The following CTBP2 variants were observed in gnomAD, a reference collection of about 807,000 sequenced individuals.
CTBP2 encodes the protein C-terminal binding protein 2.
In CTBP2, 30 loss-of-function variants were observed where a neutral mutation model predicts 80.3. That is an observed-to-expected ratio of 0.37 (90% CI 0.28 to 0.51). The LOEUF is 0.51. Ranked by LOEUF, CTBP2 falls within the 20% of genes least tolerant of loss-of-function variation. The probability of loss-of-function intolerance (pLI) is 0.93; values close to 1 mark genes in which losing one functional copy is unlikely to be tolerated. For missense variants in CTBP2, 1,212 were observed against 1,375.3 expected (o/e 0.88, Z 1.88); for synonymous variants, 594 against 587.4 (o/e 1.01, Z -0.16).
At chr10:125,072,965 C>T (rs3889706) in intron 2 of CTBP2, among the ~76,000 whole-genome samples, 11,727 of 152,256 alleles carry the variant, frequency 0.077, 602 homozygotes, top group Middle Eastern at 0.19. Context: ...TCATTACTAA[C>T]GGTTGGATGC....
At chr10:125,123,236 T>G (rs1014433645) in intron 1 of CTBP2, among the ~76,000 whole-genome samples, 1 of 152,192 alleles carries the variant, frequency 6.6e-6, no homozygotes, top group East Asian at 1.9e-4. Flanking sequence ...GGGGGATTCT[T>G]GGGCTGGTAC....
upstream of CTBP2, among the ~76,000 whole-genome samples, chr10:125,028,766 A>G (rs1201858479): frequency 2.6e-5 from 4 of 152,242 alleles, no homozygotes; most frequent in African/African-American, 4.8e-5. Context: ...GCTGCATCTG[A>G]ATATCTCATC....
At chr10:125,047,689 T>C (rs1440938036) in intron 2 of CTBP2, among the ~76,000 whole-genome samples, 2 of 152,254 alleles carry the variant, frequency 1.3e-5, no homozygotes, top group Admixed American at 6.5e-5. Context: ...CTGTCAATTG[T>C]AACCATATTA....
chr10:125,097,073 C>T (rs566581673), intron 2 of CTBP2, among the ~76,000 whole-genome samples: 1 of 152,338 alleles, frequency 6.6e-6, no homozygotes, highest in African/African-American at 2.4e-5. Flanking sequence ...CATAAGCTGG[C>T]ACACATTCTA....
At chr10:125,157,206 G>A (rs1861075859) in intron 1 of CTBP2, among the ~76,000 whole-genome samples, 1 of 152,108 alleles carries the variant, frequency 6.6e-6, no homozygotes, top group South Asian at 2.1e-4. Context: ...GATTTTTAGG[G>A]ACAATGAGGC....
chr10:125,154,252 T>TC (rs1242428111), intron 1 of CTBP2, among the ~76,000 whole-genome samples: 1 of 151,754 alleles, frequency 6.6e-6, no homozygotes, highest in Non-Finnish European at 1.5e-5. Context: ...GCCCTCCCTC[T>TC]CCCCCCTCAC....
intron 2 of CTBP2, among the ~76,000 whole-genome samples, chr10:125,068,135 A>G (rs1321051405): frequency 6.6e-6 from 1 of 152,212 alleles, no homozygotes; most frequent in African/African-American, 2.4e-5. Context: ...CATGCGGCCC[A>G]GGCCCACAGA....
chr10:125,162,160 A>G (rs1861935825), upstream of CTBP2, among the ~76,000 whole-genome samples: 1 of 152,148 alleles, frequency 6.6e-6, no homozygotes, highest in Non-Finnish European at 1.5e-5. Context: ...TAAAAACCCT[A>G]TTGAGATATT....
chr10:125,004,489 G>A (rs1022872410), intron 1 of CTBP2, among the ~76,000 whole-genome samples: 2 of 152,034 alleles, frequency 1.3e-5, no homozygotes, highest in African/African-American at 4.8e-5. Context: ...CTTGGATTTC[G>A]TAGGTCCTCC....
chr10:125,091,170 G>GT (rs1848706741), intron 2 of CTBP2, among the ~76,000 whole-genome samples: 1 of 152,236 alleles, frequency 6.6e-6, no homozygotes, highest in African/African-American at 2.4e-5. Context: ...CCCAAAGGCA[G>GT]TAAGAGGGAA....
intron 1 of CTBP2, among the ~76,000 whole-genome samples, chr10:125,159,584 C>T (rs1197539978): frequency 2.0e-5 from 3 of 150,578 alleles, no homozygotes; most frequent in Non-Finnish European, 4.4e-5. Flanking sequence ...TCCACTTCGC[C>T]TCCTTTCCCG....
chr10:125,037,901 T>C (rs1398585413), intron 3 of CTBP2, among the ~76,000 whole-genome samples: 1 of 152,182 alleles, frequency 6.6e-6, no homozygotes, highest in East Asian at 1.9e-4. Context: ...TCTATCTTTA[T>C]CTCCCCTCAA....
rs1448917089 is a variant in CTBP2 at position 124,986,283 on chromosome 10, GCGCGCGCGCACA to G, written c.*3223_*3234del. ...ATTTGGAAAGACGACACACGCACGC[GCGCGCGCGCACA>G]CACACACACACACACACACACACAC... is the stretch of plus-strand genomic sequence containing the variant. On this transcript the variant is annotated 3_prime_UTR_variant, in exon 9 of 9. Coordinates refer to ENST00000309035, the MANE Select transcript of CTBP2 (RefSeq NM_022802.3). 2 of 45,374 alleles carry G rather than the reference GCGCGCGCGCACA, an allele frequency of 4.4e-5. No homozygotes were observed. The highest frequency in any genetic ancestry group is 2.2e-4 in the Admixed American group (1 of 4,472). The allele number at this position is 45,374 out of a possible 1,614,324, so 2.8% of individuals were successfully genotyped here.
intron 2 of CTBP2, among the ~76,000 whole-genome samples, chr10:125,078,594 GA>G (rs1298688041): frequency 6.6e-6 from 1 of 151,798 alleles, no homozygotes; most frequent in Non-Finnish European, 1.5e-5. Context: ...GTGTCGGGGG[GA>G]AAGTGCTGTT....
In CTBP2 at chr10:124,998,105, T is replaced by C. The variant is rs1457718038; in HGVS notation, c.2044A>G (p.Ile682Val). 3 of 1,612,680 alleles carry C rather than the reference T, an allele frequency of 1.9e-6. No homozygotes were observed. Among genetic ancestry groups the C allele is most frequent in the East Asian group, 2.2e-5 (1 of 44,850 alleles). ...GTGTTCCTCCGGTACAGGTTGAGGA[T>C]GTGGCAGATGGTAGAGTCCGCTGTC... Residue 682 changes from isoleucine (I) to valine (V), a missense_variant, in exon 4 of 9, where the codon ATC becomes GTC. Ile to Val is a conservative substitution (Grantham distance 29, BLOSUM62 3). Transcript: ENST00000309035.
At chr10:125,012,860 A>G (rs910408628) in intron 1 of CTBP2, among the ~76,000 whole-genome samples, 2 of 142,280 alleles carry the variant, frequency 1.4e-5, no homozygotes, top group Non-Finnish European at 3.1e-5. Context: ...GATTACAGGC[A>G]TGAGCCACCG....
intron 2 of CTBP2, among the ~76,000 whole-genome samples, chr10:125,095,666 A>AT (rs1404723216): frequency 6.6e-6 from 1 of 152,184 alleles, no homozygotes; most frequent in Non-Finnish European, 1.5e-5. Context: ...GTGGCTCCTG[A>AT]TGACTTTTCG....
chr10:125,090,453 A>AT (rs957164871), intron 2 of CTBP2, among the ~76,000 whole-genome samples: 2 of 145,200 alleles, frequency 1.4e-5, no homozygotes, highest in African/African-American at 2.6e-5. Context: ...AATAATGGTT[A>AT]TTTAAAAAAA....
At chr10:125,057,889 G>A (rs1964262730) in intron 2 of CTBP2, among the ~76,000 whole-genome samples, 2 of 152,154 alleles carry the variant, frequency 1.3e-5, no homozygotes, top group Non-Finnish European at 1.5e-5. Context: ...CAGGTCACAG[G>A]TCTGGGTCCT....
Sources: gnomAD v4.1 joint callset for allele counts (sites outside exome capture counted in the v4.1 genomes callset) on GRCh38, gnomAD v4.1.1 for gene constraint, MANE v1.5 for transcripts, NCBI Gene and HGNC (gene_info 2026-07-23, HGNC 2026-07-21) for gene names.